PDS5A: variants seen among roughly 807,000 people sequenced by gnomAD.
The protein encoded by PDS5A is PDS5 cohesin associated factor A, also known as sister chromatid cohesion protein PDS5 homolog A.
In PDS5A, 42 loss-of-function variants were observed where a neutral mutation model predicts 167.1. That is an observed-to-expected ratio of 0.25 (90% CI 0.20 to 0.33). PDS5A has a LOEUF of 0.33. Ranked by LOEUF, PDS5A falls within the 10% of genes least tolerant of loss-of-function variation. PDS5A has a pLI of 1.00. For missense variants in PDS5A, 1,033 were observed against 1,605.9 expected, an observed-to-expected ratio of 0.64 and a Z score of 6.10; for synonymous variants, 553 against 554.6, an observed-to-expected ratio of 1.00 and a Z score of 0.04.
intron 2 of PDS5A, among the ~76,000 whole-genome samples, chr4:39,953,541 G>A (rs1728617041): frequency 2.0e-5 from 3 of 151,950 alleles, no homozygotes; most frequent in South Asian, 4.2e-4. Context: ...GACCAGCCTG[G>A]AAAACATAGT....
intron 2 of PDS5A, among the ~76,000 whole-genome samples, chr4:39,957,337 A>G (rs970637453): frequency 6.6e-6 from 1 of 152,070 alleles, no homozygotes; most frequent in African/African-American, 2.4e-5. Context: ...AGAAAAAGAA[A>G]AAGCATACAC....
intron 16 of PDS5A, among the ~76,000 whole-genome samples, chr4:39,892,928 C>A (rs532795842): frequency 1.3e-5 from 2 of 152,100 alleles, no homozygotes; most frequent in African/African-American, 4.8e-5. Flanking sequence ...TGCAGGGGGG[C>A]CCTGCATTAG....
At chr4:39,839,564 A>G (rs1450800584) in intron 31 of PDS5A, among the ~76,000 whole-genome samples, 1 of 152,034 alleles carries the variant, frequency 6.6e-6, no homozygotes, top group African/African-American at 2.4e-5. Flanking sequence ...GAAAGACTCC[A>G]TCTCAAAAAG....
intron 9 of PDS5A, among the ~76,000 whole-genome samples, chr4:39,913,202 A>T (rs1201016984): frequency 6.6e-6 from 1 of 151,662 alleles, no homozygotes; most frequent in Non-Finnish European, 1.5e-5. Flanking sequence ...CTCCCGCCTC[A>T]GCCTCTTGCG....
intron 2 of PDS5A, among the ~76,000 whole-genome samples, chr4:39,949,301 C>CAAAA (rs71645201): frequency 0.011 from 1,041 of 93,606 alleles, 37 homozygotes; most frequent in African/African-American, 0.031. Flanking sequence ...GAACCTATCT[C>CAAAA]AAAAAAAAAA....
chr4:39,826,473 TTTTATTTA>T (rs57090254), intron 32 of PDS5A, among the ~76,000 whole-genome samples: 8 of 143,802 alleles, frequency 5.6e-5, no homozygotes, highest in African/African-American at 1.8e-4. Context: ...CATTCCACAT[TTTTATTTA>T]TTTATTTATT....
rs962556757 is a variant in PDS5A at position 39,954,861 on chromosome 4, C to T, written c.138+21579G>A. Among the ~76,000 whole-genome samples the T allele has an allele frequency of 4.6e-5, 7 of 151,448 alleles. No individual in the cohort carries two copies. The South Asian group carries it at 1.3e-3, about 27-fold the overall frequency. On this transcript the variant is annotated intron_variant, in intron 2 of 32. Transcript: ENST00000303538. ...GGAGTTTGAGACCTGGGCAACATGA[C>T]AAACCCCGTGTCTACAAACAATACA...
At chr4:39,956,553 AC>A (rs942521596) in intron 2 of PDS5A, among the ~76,000 whole-genome samples, 2 of 151,998 alleles carry the variant, frequency 1.3e-5, no homozygotes, top group African/African-American at 4.8e-5. Context: ...AACACAGCAA[AC>A]AAAGCTATAC....
At chr4:39,941,279 G>T (rs988848595) in intron 2 of PDS5A, among the ~76,000 whole-genome samples, 3 of 152,136 alleles carry the variant, frequency 2.0e-5, no homozygotes, top group African/African-American at 7.2e-5. Flanking sequence ...TTGAATTAAT[G>T]AAACTATTAT....
intron 2 of PDS5A, among the ~76,000 whole-genome samples, chr4:39,929,554 T>TATCC (rs1553903708): frequency 3.1e-5 from 4 of 128,460 alleles, no homozygotes; most frequent in African/African-American, 1.2e-4. Context: ...TATATATATA[T>TATCC]ATCCCATTAA....
intron 2 of PDS5A, among the ~76,000 whole-genome samples, chr4:39,959,647 T>C (rs928720880): frequency 3.9e-5 from 6 of 152,264 alleles, no homozygotes; most frequent in African/African-American, 1.4e-4. Context: ...AAGGCATTAA[T>C]TTTATAACAG....
intron 30 of PDS5A, among the ~76,000 whole-genome samples, chr4:39,843,811 T>C (rs888179905): frequency 1.3e-5 from 2 of 152,126 alleles, no homozygotes; most frequent in African/African-American, 4.8e-5. Context: ...ATATTAATAG[T>C]TTCAAAGTGT....
At chr4:39,881,905 T>C (rs563536984) in intron 17 of PDS5A, among the ~76,000 whole-genome samples, 1 of 152,324 alleles carries the variant, frequency 6.6e-6, no homozygotes, top group South Asian at 2.1e-4. Context: ...TCCTCCATAT[T>C]GTTCTTGTGG....
chr4:39,839,747 A>C (rs1370169563), intron 31 of PDS5A, among the ~76,000 whole-genome samples: 1 of 59,034 alleles, frequency 1.7e-5, no homozygotes. Context: ...CTTCAAGAAT[A>C]TGATTCTGGG....
intron 26 of PDS5A, among the ~76,000 whole-genome samples, chr4:39,859,669 A>C (rs180799375): frequency 7.3e-4 from 111 of 152,300 alleles, no homozygotes; most frequent in African/African-American, 2.6e-3. Context: ...CTGGTCTCCT[A>C]AACTGTCAGA....
chr4:39,867,733 AACACACACACACACACACACACAC>A (rs142147688), intron 22 of PDS5A, among the ~76,000 whole-genome samples: 48 of 130,704 alleles, frequency 3.7e-4, no homozygotes, highest in Non-Finnish European at 6.5e-4. Flanking sequence ...AAAAAACCAA[AACACACACACACACACACACACAC>A]ACACACACAC....
chr4:39,831,875 C>CAAAAAAAAAAAAAAAAAAAAAAAAA (rs58913167), intron 32 of PDS5A, among the ~76,000 whole-genome samples: 4 of 25,936 alleles, frequency 1.5e-4, no homozygotes, highest in East Asian at 1.2e-3. Context: ...AAACTCGTCT[C>CAAAAAAAAAAAAAAAAAAAAAAAAA]AAAAAAAAAA....
chr4:39,954,868 C>T (rs974116280), intron 2 of PDS5A, among the ~76,000 whole-genome samples: 7 of 151,400 alleles, frequency 4.6e-5, no homozygotes, highest in East Asian at 2.0e-4. Context: ...TGACAAACCC[C>T]GTGTCTACAA....
chr4:39,909,626 CA>C (rs1454323939), intron 10 of PDS5A, among the ~76,000 whole-genome samples: 1 of 152,102 alleles, frequency 6.6e-6, no homozygotes, highest in African/African-American at 2.4e-5. Flanking sequence ...ATAATCTGTT[CA>C]AAAAATTCTT....
Sources: gnomAD v4.1 joint callset for allele counts (sites outside exome capture counted in the v4.1 genomes callset) on GRCh38, gnomAD v4.1.1 for gene constraint, MANE v1.5 for transcripts, NCBI Gene and HGNC (gene_info 2026-07-23, HGNC 2026-07-21) for gene names.